Variants in CUBN observed in about 807,000 individuals in gnomAD.
The protein encoded by CUBN is cubilin.
Under a neutral mutation model 405.3 loss-of-function variants are expected in CUBN, and 282 were observed. The ratio of observed to expected loss-of-function variants is 0.70; its 90% CI spans 0.63 to 0.77. CUBN has a LOEUF of 0.77. Ranked by LOEUF, CUBN falls within the 30% of genes least tolerant of loss-of-function variation. CUBN has a pLI of 0.00. For synonymous variants in CUBN, 1,684 were observed against 1,617.0 expected, an observed-to-expected ratio of 1.04 and a Z score of -0.99; for missense variants, 4,514 against 4,475.2, an observed-to-expected ratio of 1.01 and a Z score of -0.25.
chr10:16,960,438 G>C (rs368212475), intron 31 of CUBN, among the ~76,000 whole-genome samples: 1 of 152,188 alleles, frequency 6.6e-6, no homozygotes, highest in Non-Finnish European at 1.5e-5. Context: ...GCTACAATGA[G>C]TGGAGATGGT....
rs1376296471 is a variant in CUBN, at chr10:16,890,655, C to A, written c.8599-128G>T. The stretch of plus-strand genomic sequence containing the variant: ...AGCATAAGAGTAAACAAAACATGGA[C>A]AAATCTGTAGTATTTTCTTTTGAGA... On this transcript the variant is annotated intron_variant, in intron 54 of 66. Coordinates refer to ENST00000377833, the MANE Select transcript of CUBN (RefSeq NM_001081.4). The A allele has an allele frequency of 4.4e-6, 4 of 914,672 alleles. No homozygotes were observed. The East Asian group carries it at 9.7e-5, about 22-fold the overall frequency. The allele number at this position is 914,672 out of a possible 1,614,324, so 56.7% of individuals were successfully genotyped here.
chr10:17,073,948 T>C (rs1042554262), intron 17 of CUBN, among the ~76,000 whole-genome samples: 19 of 152,214 alleles, frequency 1.2e-4, no homozygotes, highest in Admixed American at 7.2e-4. Context: ...AAATGTTGAC[T>C]AAGGATAGCT....
chr10:17,110,208 G>A (rs1187516801), intron 9 of CUBN, among the ~76,000 whole-genome samples: 1 of 152,152 alleles, frequency 6.6e-6, no homozygotes, highest in Non-Finnish European at 1.5e-5. Flanking sequence ...AGAAAAGGAG[G>A]GAAACCAACA....
chr10:17,129,340 G>T, intron 1 of CUBN, 90 bp from the exon 2 acceptor site: 1 of 1,400,626 alleles, frequency 7.1e-7, no homozygotes, highest in Non-Finnish European at 1.0e-6. Context: ...ATAACTACAG[G>T]CCAAATACAT....
At chr10:16,977,907 ACT>A (rs1210421221) in intron 31 of CUBN, among the ~76,000 whole-genome samples, 2 of 152,138 alleles carry the variant, frequency 1.3e-5, no homozygotes, top group East Asian at 3.8e-4. Flanking sequence ...AGGTCAGGGA[ACT>A]CTCTTATTTA....
intron 64 of CUBN, among the ~76,000 whole-genome samples, chr10:16,832,656 C>T (rs1350892205): frequency 2.6e-5 from 4 of 152,184 alleles, no homozygotes; most frequent in Non-Finnish European, 5.9e-5. Flanking sequence ...ACTGACACTG[C>T]TGACAACTTG....
chr10:17,012,763 C>T (rs776013021), intron 28 of CUBN, among the ~76,000 whole-genome samples: 8 of 152,232 alleles, frequency 5.3e-5, no homozygotes, highest in Non-Finnish European at 1.0e-4. Flanking sequence ...GTGAAAACAA[C>T]TTGCACATTT....
intron 20 of CUBN, 149 bp from the exon 21 acceptor site, chr10:17,068,429 ATAAG>A (rs1835661779): frequency 1.1e-6 from 1 of 948,540 alleles, no homozygotes. Context: ...TCTCTTATTA[ATAAG>A]TAACAATTAA....
chr10:17,109,857 A>C, intron 9 of CUBN, 122 bp from the exon 10 acceptor site: 1 of 732,472 alleles, frequency 1.4e-6, no homozygotes, highest in Non-Finnish European at 2.4e-6. Flanking sequence ...CGAAACAAAA[A>C]ATATAAGTAT....
chr10:16,968,799 T>C (rs1687702), intron 31 of CUBN, among the ~76,000 whole-genome samples: 56,301 of 152,170 alleles, frequency 0.37, 10,647 homozygotes, highest in Middle Eastern at 0.45. Flanking sequence ...AAGCCACTTG[T>C]GTGCTGACCA....
intron 27 of CUBN, among the ~76,000 whole-genome samples, chr10:17,025,413 A>G (rs1834632669): frequency 6.6e-6 from 1 of 152,230 alleles, no homozygotes; most frequent in Non-Finnish European, 1.5e-5. Context: ...AGAGAACACA[A>G]TTTTGTGAAA....
chr10:17,011,606 C>T (rs1354949834), intron 28 of CUBN, among the ~76,000 whole-genome samples: 6 of 152,178 alleles, frequency 3.9e-5, no homozygotes, highest in Middle Eastern at 3.4e-3. Context: ...AGCAGGTTGC[C>T]GCTGCTAGCT....
rs373297946 is a variant in CUBN at position 17,065,504 on chromosome 10, T to C, written c.3139+4A>G. ...AAACCGAGTATGCAATGCTGTTTTG[T>C]TACCTGTTGCTGCACTGATTGCTTC... On this transcript the variant is annotated splice_donor_region_variant and intron_variant, in intron 22 of 66. Transcript: ENST00000377833. 83 of 1,613,036 alleles carry C rather than the reference T, an allele frequency of 5.1e-5. No individual in the cohort carries two copies. Among genetic ancestry groups the C allele is most frequent in the Non-Finnish European group, 6.8e-5 (80 of 1,179,274 alleles).
chr10:16,957,185 T>C (rs1326387272), intron 31 of CUBN, among the ~76,000 whole-genome samples: 1 of 152,196 alleles, frequency 6.6e-6, no homozygotes, highest in East Asian at 1.9e-4. Flanking sequence ...CTCCCCATAA[T>C]TTCCTCCCTG....
intron 31 of CUBN, among the ~76,000 whole-genome samples, chr10:16,967,220 G>T (rs536199386): frequency 2.0e-5 from 3 of 152,090 alleles, no homozygotes; most frequent in Non-Finnish European, 4.4e-5. Context: ...CTCATATCAC[G>T]ATGCGTTCAC....
intron 27 of CUBN, among the ~76,000 whole-genome samples, chr10:17,026,129 C>G (rs12357285): frequency 0.033 from 4,985 of 152,276 alleles, 136 homozygotes; most frequent in Non-Finnish European, 0.044. Flanking sequence ...CTAGGGAATT[C>G]TCAGGGCATC....
At chr10:17,031,235 A>G (rs1421733117) in intron 27 of CUBN, among the ~76,000 whole-genome samples, 1 of 152,226 alleles carries the variant, frequency 6.6e-6, no homozygotes, top group African/African-American at 2.4e-5. Context: ...ATCATTAATT[A>G]TATCTCAACC....
At chr10:17,064,762 C>A (rs1461980626) in intron 22 of CUBN, among the ~76,000 whole-genome samples, 2 of 152,004 alleles carry the variant, frequency 1.3e-5, no homozygotes, top group Non-Finnish European at 2.9e-5. Context: ...ACTGTGCCTG[C>A]AAAAGGGATT....
At chr10:17,060,826 G>T (rs1835490303) in intron 22 of CUBN, among the ~76,000 whole-genome samples, 1 of 152,048 alleles carries the variant, frequency 6.6e-6, no homozygotes, top group South Asian at 2.1e-4. Context: ...TGAGGCGGGG[G>T]GATCACCTGA....
Sources: allele counts gnomAD v4.1 joint callset (sites outside exome capture counted in the v4.1 genomes callset), GRCh38; gene constraint gnomAD v4.1.1; transcripts MANE v1.5; gene names NCBI Gene and HGNC (gene_info 2026-07-23, HGNC 2026-07-21).